MBD5: variants seen among roughly 807,000 people sequenced by gnomAD.
MBD5 encodes the protein methyl-CpG binding domain protein 5.
MBD5 carries 13 observed loss-of-function variants against 117.3 expected under a neutral mutation model. That is an observed-to-expected ratio of 0.11 (90% CI 0.07 to 0.18). The LOEUF (loss-of-function observed/expected upper bound fraction) is 0.18. Among genes scored for constraint, MBD5 ranks in the 10% least tolerant of loss-of-function variants. MBD5 has a pLI of 1.00. For missense variants in MBD5, 1,879 were observed against 2,093.8 expected, an observed-to-expected ratio of 0.90 and a Z score of 2.00; for synonymous variants, 727 against 766.4, an observed-to-expected ratio of 0.95 and a Z score of 0.85.
chr2:148,243,807 G>A (rs192113564), intron 3 of MBD5: 2 of 152,108 alleles, frequency 1.3e-5, no homozygotes, highest in East Asian at 3.9e-4. Context: ...CCTCAAAGAA[G>A]CATATAGTTT....
At chr2:148,136,336 T>C (rs1472278096) in intron 1 of MBD5, among the ~76,000 whole-genome samples, 1 of 152,058 alleles carries the variant, frequency 6.6e-6, no homozygotes, top group Admixed American at 6.6e-5. Flanking sequence ...GGGGGAAGAA[T>C]GGCCATAGAC....
At chr2:148,381,984 G>A (rs1704160205) in intron 4 of MBD5, among the ~76,000 whole-genome samples, 2 of 152,182 alleles carry the variant, frequency 1.3e-5, no homozygotes, top group South Asian at 4.1e-4. Context: ...GGAACAACCG[G>A]TACTAGCCAC....
intron 4 of MBD5, among the ~76,000 whole-genome samples, chr2:148,363,456 A>G (rs551415942): frequency 6.6e-6 from 1 of 152,178 alleles, no homozygotes; most frequent in African/African-American, 2.4e-5. Flanking sequence ...GATGGTCTCA[A>G]TCTCCTGACC....
rs370839213 is a variant in MBD5, at chr2:148,452,433, A to G, written c.-556-5770A>G. The stretch of plus-strand genomic sequence containing the variant: ...GAGGATAGCTTGAGCCCGGGAAGTC[A>G]AAGCTGCAGTGAGCCGTGATTGTGC... On this transcript the variant is annotated intron_variant, in intron 4 of 13. Transcript: ENST00000642680. 2.6e-5 allele frequency among the ~76,000 whole-genome samples: 4 copies of G among 152,228 alleles called. No individual in the cohort carries two copies. In the South Asian group the frequency reaches 8.3e-4, roughly 32 times the overall value.
chr2:148,294,509 T>TTTTTTGTTTTTTTTTTTTTTTG (rs750245317), intron 3 of MBD5, among the ~76,000 whole-genome samples: 1 of 129,984 alleles, frequency 7.7e-6, no homozygotes, highest in African/African-American at 3.0e-5. Flanking sequence ...CAGTTTTTTT[T>TTTTTTGTTTTTTTTTTTTTTTG]TTTTTTTTTT....
At chr2:148,131,236 G>GT (rs1697039805) in intron 1 of MBD5, among the ~76,000 whole-genome samples, 1 of 151,978 alleles carries the variant, frequency 6.6e-6, no homozygotes, top group Non-Finnish European at 1.5e-5. Context: ...TGTTTGCTTT[G>GT]TTTTTTAGTT....
chr2:148,426,811 T>C (rs1705806732), intron 4 of MBD5, among the ~76,000 whole-genome samples: 1 of 152,072 alleles, frequency 6.6e-6, no homozygotes, highest in African/African-American at 2.4e-5. Flanking sequence ...GGGATCTAAT[T>C]AAACTAAAGA....
At chr2:148,397,399 G>A (rs1025043448) in intron 4 of MBD5, among the ~76,000 whole-genome samples, 1 of 147,852 alleles carries the variant, frequency 6.8e-6, no homozygotes, top group Non-Finnish European at 1.5e-5. Context: ...GCACGATCTC[G>A]GCTCACTGCA....
chr2:148,288,410 A>AAAAAAAAAAAAAAAAAAAAAG (rs1367731540), intron 3 of MBD5, among the ~76,000 whole-genome samples: 2 of 140,570 alleles, frequency 1.4e-5, no homozygotes, highest in African/African-American at 5.3e-5. Context: ...AAAAAAAAAA[A>AAAAAAAAAAAAAAAAAAAAAG]AAAAGTGATT....
Position 148,484,040 on chromosome 2 carries a change from C to G in MBD5, c.3449C>G (p.Ser1150Cys). ...VSMAETLLNI[S>C]NNAGNTPGPA... ...ATGGCAGAAACATTGCTGAATATAT[C>G]TAATAATGCTGGGAATACACCTGGT... The change falls in exon 9 of 14, where the codon TCT (serine) becomes TGT (cysteine). Residue 1150 changes from serine to cysteine, a missense_variant. Transcript: ENST00000642680. The G allele has an allele frequency of 6.5e-7, 1 of 1,550,360 alleles. No individual in the cohort carries two copies. Among genetic ancestry groups the G allele is most frequent in the Non-Finnish European group, 8.7e-7 (1 of 1,146,858 alleles).
At chr2:148,228,339 A>G (rs1027707253) in intron 2 of MBD5, among the ~76,000 whole-genome samples, 5 of 152,132 alleles carry the variant, frequency 3.3e-5, no homozygotes, top group African/African-American at 1.2e-4. Context: ...GAATTTTGTC[A>G]AGGGCCTTTT....
At chr2:148,037,921 A>C (rs949925284) in intron 1 of MBD5, among the ~76,000 whole-genome samples, 1 of 152,020 alleles carries the variant, frequency 6.6e-6, no homozygotes, top group Non-Finnish European at 1.5e-5. Context: ...ACAAAAGAAC[A>C]AACAGTTCTT....
At chr2:148,508,217 C>T (rs1682102921) in intron 12 of MBD5, among the ~76,000 whole-genome samples, 1 of 151,954 alleles carries the variant, frequency 6.6e-6, no homozygotes, top group African/African-American at 2.4e-5. Flanking sequence ...GAGACTGACT[C>T]CATGAGATGA....
intron 4 of MBD5, among the ~76,000 whole-genome samples, chr2:148,420,141 T>G (rs1247006824): frequency 6.6e-6 from 1 of 151,282 alleles, no homozygotes; most frequent in African/African-American, 2.5e-5. Context: ...ATTTAATGAC[T>G]TTTTTTATTA....
At chr2:148,384,451 G>T (rs1295855812) in intron 4 of MBD5, among the ~76,000 whole-genome samples, 2 of 152,140 alleles carry the variant, frequency 1.3e-5, no homozygotes, top group Non-Finnish European at 2.9e-5. Flanking sequence ...ACTGCTCAAT[G>T]AAATAAAAGA....
At chr2:148,409,678 C>G (rs1705195666) in intron 4 of MBD5, among the ~76,000 whole-genome samples, 1 of 151,996 alleles carries the variant, frequency 6.6e-6, no homozygotes, top group South Asian at 2.1e-4. Context: ...AATGAAGATA[C>G]AAAGAATAGT....
chr2:148,238,033 A>G (rs1700128145), intron 3 of MBD5, among the ~76,000 whole-genome samples: 1 of 152,218 alleles, frequency 6.6e-6, no homozygotes, highest in Non-Finnish European at 1.5e-5. Context: ...ATGTAATTCA[A>G]TAAACAGATG....
intron 3 of MBD5, among the ~76,000 whole-genome samples, chr2:148,325,045 G>C (rs1186773155): frequency 6.6e-6 from 1 of 152,120 alleles, no homozygotes; most frequent in Non-Finnish European, 1.5e-5. Flanking sequence ...TTAGCATGAA[G>C]GGTTGTTGAA....
intron 3 of MBD5, among the ~76,000 whole-genome samples, chr2:148,269,707 C>A: frequency 7.2e-6 from 1 of 139,134 alleles, no homozygotes. Context: ...ACTTGGCATA[C>A]AAGGACTTTC....
Sources: gnomAD v4.1 joint callset for allele counts (sites outside exome capture counted in the v4.1 genomes callset) on GRCh38, gnomAD v4.1.1 for gene constraint, MANE v1.5 for transcripts, NCBI Gene and HGNC (gene_info 2026-07-23, HGNC 2026-07-21) for gene names.